Variants in RBFOX1 observed in about 807,000 individuals in gnomAD.
RBFOX1 encodes RNA binding fox-1 homolog 1.
RBFOX1 carries 8 observed loss-of-function variants against 57.7 expected under a neutral mutation model. The ratio of observed to expected loss-of-function variants is 0.14; its 90% CI spans 0.08 to 0.25. The LOEUF (loss-of-function observed/expected upper bound fraction) is 0.25. Among genes scored for constraint, RBFOX1 ranks in the 10% least tolerant of loss-of-function variants. The pLI is 1.00. For synonymous variants in RBFOX1, 326 were observed against 222.4 expected (o/e 1.47, Z -4.15); for missense variants, 611 against 548.5 (o/e 1.11, Z -1.14).
intron 4 of RBFOX1, among the ~76,000 whole-genome samples, chr16:7,401,987 A>G (rs1197552215): frequency 1.3e-5 from 2 of 152,192 alleles, no homozygotes; most frequent in Non-Finnish European, 2.9e-5. Context: ...CAGCAGGTAG[A>G]TGTTCTTTTC....
chr16:6,232,769 AG>A (rs1024071120), intron 1 of RBFOX1, among the ~76,000 whole-genome samples: 12 of 152,226 alleles, frequency 7.9e-5, no homozygotes, highest in African/African-American at 2.9e-4. Context: ...AGTGACCTCG[AG>A]GTCTTGCTCA....
intron 1 of RBFOX1, among the ~76,000 whole-genome samples, chr16:5,279,403 A>T (rs1423760197): frequency 6.6e-6 from 1 of 151,890 alleles, no homozygotes; most frequent in Non-Finnish European, 1.5e-5. Context: ...TTTTTTAGCT[A>T]GTTTGTTAGT....
intron 1 of RBFOX1, among the ~76,000 whole-genome samples, chr16:6,183,749 C>G (rs1444464019): frequency 2.6e-5 from 4 of 152,018 alleles, no homozygotes; most frequent in Non-Finnish European, 5.9e-5. Flanking sequence ...TTTAGTGTGG[C>G]TGGAGCCTGG....
chr16:7,320,348 G>A (rs537060177), intron 4 of RBFOX1, among the ~76,000 whole-genome samples: 1 of 152,048 alleles, frequency 6.6e-6, no homozygotes, highest in Non-Finnish European at 1.5e-5. Context: ...CTGTTCTTGT[G>A]TTAGTTTACT....
chr16:6,755,951 C>A (rs1454535482), intron 3 of RBFOX1, among the ~76,000 whole-genome samples: 1 of 152,074 alleles, frequency 6.6e-6, no homozygotes, highest in Non-Finnish European at 1.5e-5. Context: ...CCGAAAGGGA[C>A]CATTTACAGC....
At chr16:7,615,219 G>A (rs953030908) in intron 10 of RBFOX1, among the ~76,000 whole-genome samples, 3 of 152,160 alleles carry the variant, frequency 2.0e-5, no homozygotes, top group Non-Finnish European at 4.4e-5. Flanking sequence ...TGTAGTCCCA[G>A]CTACTGGGGA....
chr16:7,302,941 G>A (rs1460733835), intron 4 of RBFOX1, among the ~76,000 whole-genome samples: 1 of 151,936 alleles, frequency 6.6e-6, no homozygotes, highest in Non-Finnish European at 1.5e-5. Context: ...GGCTGGACAG[G>A]CAAGAATAAA....
At chr16:6,615,356 G>T (rs1481508530) in intron 2 of RBFOX1, among the ~76,000 whole-genome samples, 1 of 152,218 alleles carries the variant, frequency 6.6e-6, no homozygotes, top group South Asian at 2.1e-4. Flanking sequence ...GATCACCTGA[G>T]GTCAGGAGTT....
intron 4 of RBFOX1, among the ~76,000 whole-genome samples, chr16:7,403,496 G>T (rs1321780531): frequency 6.6e-6 from 1 of 151,034 alleles, no homozygotes; most frequent in Non-Finnish European, 1.5e-5. Flanking sequence ...TTGTCTTTCT[G>T]TGTCTGGTTT....
intron 3 of RBFOX1, among the ~76,000 whole-genome samples, chr16:6,825,258 T>C (rs1422872308): frequency 6.6e-6 from 1 of 151,034 alleles, no homozygotes; most frequent in African/African-American, 2.4e-5. Context: ...TAGATACCAA[T>C]GCCACACCCC....
chr16:6,540,367 AC>A (rs1467107170), intron 2 of RBFOX1, among the ~76,000 whole-genome samples: 2 of 151,692 alleles, frequency 1.3e-5, no homozygotes, highest in Non-Finnish European at 2.9e-5. Flanking sequence ...TAATCCCAGC[AC>A]TTTGGGAGGC....
At chr16:5,286,336 T>A (rs4110170) in intron 1 of RBFOX1, among the ~76,000 whole-genome samples, 1 of 151,792 alleles carries the variant, frequency 6.6e-6, no homozygotes, top group African/African-American at 2.4e-5. Context: ...GTGTGTGGCA[T>A]TCTGATCTCT....
At chr16:7,429,228 C>G (rs1452072819) in intron 4 of RBFOX1, among the ~76,000 whole-genome samples, 1 of 152,222 alleles carries the variant, frequency 6.6e-6, no homozygotes, top group Non-Finnish European at 1.5e-5. Context: ...AACATCCTCT[C>G]TCTGGTCACC....
intron 3 of RBFOX1, among the ~76,000 whole-genome samples, chr16:6,767,176 G>A (rs978070777): frequency 3.9e-5 from 6 of 152,088 alleles, no homozygotes; most frequent in African/African-American, 1.4e-4. Context: ...GAGCTCTAGA[G>A]TTGGGTATGG....
chr16:5,848,761 A>C (rs1157230530), intron 3 of RBFOX1, among the ~76,000 whole-genome samples: 1 of 152,148 alleles, frequency 6.6e-6, no homozygotes, highest in Non-Finnish European at 1.5e-5. Flanking sequence ...AGCCTGGCCA[A>C]CATGGTGAAA....
intron 2 of RBFOX1, among the ~76,000 whole-genome samples, chr16:5,505,302 T>C (rs975921787): frequency 5.3e-5 from 8 of 152,168 alleles, no homozygotes; most frequent in Non-Finnish European, 1.2e-4. Flanking sequence ...GCAGAAACCA[T>C]TGAACCAAAG....
intron 4 of RBFOX1, among the ~76,000 whole-genome samples, chr16:7,396,948 T>C (rs1156592268): frequency 1.3e-5 from 2 of 150,428 alleles, no homozygotes; most frequent in African/African-American, 4.9e-5. Flanking sequence ...AAAAGAAAAA[T>C]AAAAGAAAAA....
chr16:5,505,825 A>T (rs990668130), intron 2 of RBFOX1, among the ~76,000 whole-genome samples: 1 of 152,102 alleles, frequency 6.6e-6, no homozygotes, highest in African/African-American at 2.4e-5. Flanking sequence ...CCTTCTCCCT[A>T]GACCGTGGTT....
At chr16:7,709,510 C>T in intron 15 of RBFOX1, 1 of 1,528,228 alleles carries the variant, frequency 6.5e-7, no homozygotes, top group Non-Finnish European at 8.7e-7. Flanking sequence ...GGTTCCAGCC[C>T]CAGCACAGAC....
Sources: gnomAD v4.1 joint callset for allele counts (sites outside exome capture counted in the v4.1 genomes callset) on GRCh38, gnomAD v4.1.1 for gene constraint, MANE v1.5 for transcripts, NCBI Gene and HGNC (gene_info 2026-07-23, HGNC 2026-07-21) for gene names.